The following LRP1B variants were observed in gnomAD, a reference collection of about 807,000 sequenced individuals.
LRP1B encodes low-density lipoprotein receptor-related protein 1B.
In LRP1B, 217 loss-of-function variants were observed where a neutral mutation model predicts 556.6. That is an observed-to-expected ratio of 0.39 (90% CI 0.35 to 0.44). LRP1B has a LOEUF of 0.44. Ranked by LOEUF, LRP1B falls within the 20% of genes least tolerant of loss-of-function variation. The pLI is 1.00. For missense variants in LRP1B, 5,053 were observed against 5,620.8 expected (o/e 0.90, Z 3.23); for synonymous variants, 2,047 against 1,865.8 (o/e 1.10, Z -2.50).
intron 31 of LRP1B, among the ~76,000 whole-genome samples, chr2:140,827,153 C>A (rs1691537522): frequency 6.6e-6 from 1 of 152,042 alleles, no homozygotes; most frequent in African/African-American, 2.4e-5. Flanking sequence ...AGCAAACATA[C>A]CCTAGAAAAC....
chr2:141,679,378 T>C (rs551124468), intron 2 of LRP1B, among the ~76,000 whole-genome samples: 3 of 152,302 alleles, frequency 2.0e-5, no homozygotes, highest in Admixed American at 2.0e-4. Context: ...AAATTTGTTA[T>C]GCCGTAATAA....
intron 2 of LRP1B, among the ~76,000 whole-genome samples, chr2:141,527,406 C>A (rs1417145056): frequency 1.3e-5 from 2 of 148,458 alleles, no homozygotes; most frequent in East Asian, 2.0e-4. Context: ...AAAATACAGG[C>A]ATTTTACAAA....
At chr2:140,639,321 A>G (rs1559023895) in intron 41 of LRP1B, among the ~76,000 whole-genome samples, 1 of 152,188 alleles carries the variant, frequency 6.6e-6, no homozygotes, top group East Asian at 1.9e-4. Context: ...TTTTTTGACC[A>G]TTGTTGAACA....
chr2:140,487,581 A>C (rs1055757856), intron 58 of LRP1B, 36 bp downstream of exon 58: 13 of 1,556,586 alleles, frequency 8.4e-6, no homozygotes, highest in Non-Finnish European at 1.1e-5. Flanking sequence ...TACTGGTATA[A>C]TATTCAACAA....
rs182181240 is a variant in LRP1B at position 141,050,824 on chromosome 2, C to T, written c.1553-1602G>A. On this transcript the variant is annotated intron_variant, in intron 10 of 90. Transcript: ENST00000389484. ...AAGAGCTTCTGCACAGCAAAAGATA[C>T]TAGCATCAGAGTGAATGGGCAACCT... Among the ~76,000 whole-genome samples the T allele has an allele frequency of 9.9e-5, 15 of 152,208 alleles. No homozygotes were observed. In the East Asian group the frequency reaches 2.9e-3, roughly 30 times the overall value.
intron 35 of LRP1B, among the ~76,000 whole-genome samples, chr2:140,748,640 A>T (rs115458546): frequency 0.066 from 7,094 of 108,074 alleles, 343 homozygotes; most frequent in South Asian, 0.12. Flanking sequence ...TATATATATT[A>T]TACCAGATGT....
At chr2:141,788,340 G>C (rs11684178) in intron 2 of LRP1B, among the ~76,000 whole-genome samples, 8,270 of 151,990 alleles carry the variant, frequency 0.054, 312 homozygotes, top group Non-Finnish European at 0.073. Context: ...GTTTCTGCTA[G>C]AGTCCCATAA....
chr2:140,751,174 G>A (rs1236067810), intron 35 of LRP1B, among the ~76,000 whole-genome samples: 1 of 151,846 alleles, frequency 6.6e-6, no homozygotes, highest in Non-Finnish European at 1.5e-5. Context: ...TGTATCTTTA[G>A]TAGAGACGGG....
intron 1 of LRP1B, among the ~76,000 whole-genome samples, chr2:141,945,273 G>A (rs1160992276): frequency 6.6e-6 from 1 of 151,984 alleles, no homozygotes; most frequent in African/African-American, 2.4e-5. Flanking sequence ...ATATACTAAT[G>A]TCCTCATGGA....
chr2:140,625,641 T>A (rs1471507217), intron 41 of LRP1B, among the ~76,000 whole-genome samples: 2 of 152,126 alleles, frequency 1.3e-5, no homozygotes, highest in Non-Finnish European at 2.9e-5. Flanking sequence ...ATGTTCAACA[T>A]CACATGTCAT....
intron 89 of LRP1B, among the ~76,000 whole-genome samples, chr2:140,237,048 A>G (rs1680741011): frequency 1.3e-5 from 2 of 150,912 alleles, no homozygotes; most frequent in African/African-American, 4.8e-5. Context: ...TTTTCTAGCT[A>G]TTTTTAAATA....
intron 7 of LRP1B, among the ~76,000 whole-genome samples, chr2:141,181,166 C>T (rs1235182617): frequency 1.3e-5 from 2 of 151,916 alleles, no homozygotes; most frequent in Non-Finnish European, 2.9e-5. Context: ...AGCTCTTGTA[C>T]ACTTAACAAA....
At chr2:142,083,732 T>G (rs1163705059) in intron 1 of LRP1B, among the ~76,000 whole-genome samples, 2 of 152,188 alleles carry the variant, frequency 1.3e-5, no homozygotes, top group Non-Finnish European at 2.9e-5. Context: ...ATTCTAATCA[T>G]TTCATTAGGA....
intron 41 of LRP1B, among the ~76,000 whole-genome samples, chr2:140,624,198 C>T (rs761403542): frequency 9.2e-5 from 14 of 151,732 alleles, no homozygotes; most frequent in African/African-American, 7.3e-5. Context: ...AGAAAAAATT[C>T]GGCCAAATTT....
At chr2:141,758,626 G>T (rs903370428) in intron 2 of LRP1B, among the ~76,000 whole-genome samples, 5 of 151,978 alleles carry the variant, frequency 3.3e-5, no homozygotes, top group African/African-American at 1.2e-4. Context: ...AGTATTGATT[G>T]CTTGTTACAA....
At chr2:140,484,398 G>T (rs1292719880) in intron 59 of LRP1B, among the ~76,000 whole-genome samples, 1 of 152,176 alleles carries the variant, frequency 6.6e-6, no homozygotes, top group Non-Finnish European at 1.5e-5. Flanking sequence ...CATATGGTAT[G>T]ATAAAAGCTG....
At chr2:141,105,973 G>A (rs1045820066) in intron 7 of LRP1B, among the ~76,000 whole-genome samples, 11 of 152,076 alleles carry the variant, frequency 7.2e-5, no homozygotes, top group Non-Finnish European at 1.3e-4. Context: ...GGGAGGAAAT[G>A]GGAATCCACA....
chr2:141,663,452 A>G (rs1690301393), intron 2 of LRP1B, among the ~76,000 whole-genome samples: 2 of 152,144 alleles, frequency 1.3e-5, no homozygotes, highest in South Asian at 4.1e-4. Flanking sequence ...CTAGACTAAT[A>G]AAGAAGAAAA....
chr2:141,470,640 G>A (rs1282081127), intron 3 of LRP1B, among the ~76,000 whole-genome samples: 1 of 152,156 alleles, frequency 6.6e-6, no homozygotes, highest in Non-Finnish European at 1.5e-5. Flanking sequence ...GATTTCCAGT[G>A]TGACTCTTGG....
Sources: gnomAD v4.1 joint callset for allele counts (sites outside exome capture counted in the v4.1 genomes callset) on GRCh38, gnomAD v4.1.1 for gene constraint, MANE v1.5 for transcripts, NCBI Gene and HGNC (gene_info 2026-07-23, HGNC 2026-07-21) for gene names.